COL28A1: variants seen among roughly 807,000 people sequenced by gnomAD.
COL28A1 encodes collagen alpha-1(XXVIII) chain.
COL28A1 carries 161 observed loss-of-function variants against 150.2 expected under a neutral mutation model. The ratio of observed to expected loss-of-function variants is 1.07; its 90% CI spans 0.94 to 1.22. COL28A1 has a LOEUF of 1.22. Among genes scored for constraint, COL28A1 ranks in the 50% most tolerant of loss-of-function variants. The probability of loss-of-function intolerance (pLI) is 0.00; values close to 1 mark genes in which losing one functional copy is unlikely to be tolerated. For synonymous variants in COL28A1, 552 were observed against 469.7 expected, an observed-to-expected ratio of 1.18 and a Z score of -2.26; for missense variants, 1,617 against 1,388.3, an observed-to-expected ratio of 1.16 and a Z score of -2.62.
chr7:7,389,497 T>C (rs1418024533), intron 27 of COL28A1, among the ~76,000 whole-genome samples: 1 of 152,198 alleles, frequency 6.6e-6, no homozygotes, highest in Admixed American at 6.5e-5. Context: ...TTTGATTCCA[T>C]AAGATATTTA....
intron 11 of COL28A1, among the ~76,000 whole-genome samples, chr7:7,494,842 G>A (rs1410878245): frequency 1.3e-5 from 2 of 152,156 alleles, no homozygotes; most frequent in Non-Finnish European, 2.9e-5. Flanking sequence ...TAAGGAATTG[G>A]GAAAGTTTCA....
downstream of COL28A1, among the ~76,000 whole-genome samples, chr7:7,351,683 AATG>A (rs1269692566): frequency 1.3e-5 from 2 of 152,178 alleles, no homozygotes; most frequent in African/African-American, 4.8e-5. Context: ...ATTTATGTAA[AATG>A]ATGAGTACAT....
intron 26 of COL28A1, among the ~76,000 whole-genome samples, chr7:7,419,158 C>G (rs725934): frequency 0.22 from 33,721 of 152,020 alleles, 5,402 homozygotes; most frequent in African/African-American, 0.45. Context: ...TGTTGAGCAA[C>G]TGAATGAACA....
chr7:7,457,661 G>A (rs1398715122), intron 15 of COL28A1, among the ~76,000 whole-genome samples: 3 of 152,170 alleles, frequency 2.0e-5, no homozygotes, highest in Non-Finnish European at 4.4e-5. Context: ...CCAGGACTGA[G>A]CCCTTTAAGC....
At chr7:7,521,283 C>T (rs1047942742) in intron 5 of COL28A1, among the ~76,000 whole-genome samples, 1 of 152,192 alleles carries the variant, frequency 6.6e-6, no homozygotes, top group Non-Finnish European at 1.5e-5. Flanking sequence ...CCAGTACAGA[C>T]ATGGCACCTA....
upstream of COL28A1, among the ~76,000 whole-genome samples, chr7:7,539,349 G>A (rs1300120081): frequency 6.6e-6 from 1 of 152,116 alleles, no homozygotes; most frequent in Non-Finnish European, 1.5e-5. Flanking sequence ...AAGAGAGCAG[G>A]GAGAGAGGTG....
At chr7:7,400,800 T>C (rs527810914) in intron 27 of COL28A1, among the ~76,000 whole-genome samples, 165 of 152,306 alleles carry the variant, frequency 1.1e-3, no homozygotes, top group African/African-American at 3.7e-3. Context: ...TTTCTTATCA[T>C]TTTCTCTTTT....
Position 7,466,386 on chromosome 7 carries a change from A to T in COL28A1, c.1302+8215T>A, listed in dbSNP as rs201584912. 3.7e-5 allele frequency among the ~76,000 whole-genome samples: 5 copies of T among 135,888 alleles called. 1 individual carries two copies. The South Asian group carries it at 1.2e-3, about 33-fold the overall frequency. 89.1% of individuals were successfully genotyped at this position (135,888 alleles called of 152,430 possible). On this transcript the variant is annotated intron_variant, in intron 15 of 34. Coordinates refer to ENST00000399429, the MANE Select transcript of COL28A1 (RefSeq NM_001037763.3). ...GGAAGATGAAATGAATGAAATGAAG[A>T]GAGAAGGGAAGTTTAGAGAAAAAAG...
At chr7:7,520,411 A>G (rs1022962337) in intron 5 of COL28A1, among the ~76,000 whole-genome samples, 1 of 152,226 alleles carries the variant, frequency 6.6e-6, no homozygotes, top group African/African-American at 2.4e-5. Context: ...AAACTCATGC[A>G]AAGATTTAAA....
At chr7:7,387,721 C>A (rs1782272154) in intron 27 of COL28A1, among the ~76,000 whole-genome samples, 1 of 151,908 alleles carries the variant, frequency 6.6e-6, no homozygotes. Context: ...GAAATTATTT[C>A]AAAATAAAAG....
At chr7:7,418,784 A>C (rs1220368757) in intron 26 of COL28A1, among the ~76,000 whole-genome samples, 1 of 152,232 alleles carries the variant, frequency 6.6e-6, no homozygotes, top group East Asian at 1.9e-4. Context: ...GACATGAACA[A>C]GAAAAATAGA....
In COL28A1 at chr7:7,381,635, A is replaced by T. The variant is rs1480924359; in HGVS notation, c.2137-23T>A. 4 of 1,585,374 alleles carry T rather than the reference A, an allele frequency of 2.5e-6. No individual in the cohort carries two copies. In the Admixed American group the frequency reaches 6.7e-5, roughly 26 times the overall value. ...CCCCTACATAGGATATGAGAAAGAG[A>T]TGTTCTATTAATTTCCCAGGATAGC... On this transcript the variant is annotated intron_variant, in intron 27 of 34. Transcript: ENST00000399429.
intron 15 of COL28A1, among the ~76,000 whole-genome samples, chr7:7,464,744 C>T (rs993613022): frequency 3.3e-5 from 5 of 152,138 alleles, no homozygotes; most frequent in Admixed American, 3.3e-4. Context: ...TAAGGTCACA[C>T]CTCAAGGAAC....
At chr7:7,491,935 T>C (rs989818261) in intron 11 of COL28A1, among the ~76,000 whole-genome samples, 3 of 152,256 alleles carry the variant, frequency 2.0e-5, no homozygotes, top group African/African-American at 7.2e-5. Context: ...TATCTGTAAC[T>C]ATTAATACTA....
intron 8 of COL28A1, 123 bp downstream of exon 8, chr7:7,515,691 G>T: frequency 1.4e-6 from 1 of 712,302 alleles, no homozygotes; most frequent in East Asian, 2.6e-5. Flanking sequence ...TGTTAACTCA[G>T]GAATGAGGGA....
intron 25 of COL28A1, among the ~76,000 whole-genome samples, chr7:7,426,263 T>C (rs1784636975): frequency 6.6e-6 from 1 of 152,214 alleles, no homozygotes; most frequent in South Asian, 2.1e-4. Context: ...TGTTTCTTTC[T>C]TTCTGGTTTT....
chr7:7,425,514 T>C (rs1784605381), intron 25 of COL28A1, among the ~76,000 whole-genome samples: 1 of 152,170 alleles, frequency 6.6e-6, no homozygotes, highest in Non-Finnish European at 1.5e-5. Flanking sequence ...TCCCGTCCCA[T>C]TTTCCCTCCG....
intron 13 of COL28A1, among the ~76,000 whole-genome samples, chr7:7,481,023 T>C (rs1434665000): frequency 6.6e-6 from 1 of 152,244 alleles, no homozygotes; most frequent in Non-Finnish European, 1.5e-5. Flanking sequence ...CTGCCATCAT[T>C]ATCCAAATTA....
rs569549136 is a variant in COL28A1 at position 7,479,530 on chromosome 7, T to G, written c.1165-2350A>C. Among the ~76,000 whole-genome samples, 8 of 152,366 alleles carry G rather than the reference T, an allele frequency of 5.3e-5. No individual in the cohort carries two copies. In the South Asian group the frequency reaches 1.7e-3, roughly 32 times the overall value. ...CACACAGCTGTTTTAAAGCATTAAG[T>G]GCTGTTTACATGTGTTTCAATTTCT... On this transcript the variant is annotated intron_variant, in intron 13 of 34. Coordinates refer to ENST00000399429, the MANE Select transcript of COL28A1 (RefSeq NM_001037763.3).
Sources: allele counts gnomAD v4.1 joint callset (sites outside exome capture counted in the v4.1 genomes callset), GRCh38; gene constraint gnomAD v4.1.1; transcripts MANE v1.5; gene names NCBI Gene and HGNC (gene_info 2026-07-23, HGNC 2026-07-21).